Variants in RASA2 observed in about 807,000 individuals in gnomAD.
RASA2 encodes RAS p21 protein activator 2.
Under a neutral mutation model 118.2 loss-of-function variants are expected in RASA2, and 155 were observed. The observed-to-expected ratio is 1.31, with a 90% confidence interval of 1.15 to 1.50. RASA2 has a LOEUF of 1.50. Ranked by LOEUF, RASA2 falls within the 40% of genes most tolerant of loss-of-function variation. The pLI is 0.00. For synonymous variants in RASA2, 353 were observed against 349.1 expected, an observed-to-expected ratio of 1.01 and a Z score of -0.12; for missense variants, 1,016 against 1,009.6, an observed-to-expected ratio of 1.01 and a Z score of -0.09.
chr3:141,497,926 TTGAC>T (rs1383682846), intron 1 of RASA2, among the ~76,000 whole-genome samples: 2 of 152,154 alleles, frequency 1.3e-5, no homozygotes, highest in Non-Finnish European at 2.9e-5. Context: ...CTTTGCCTGT[TTGAC>T]TAATTGTTTA....
intron 19 of RASA2, chr3:141,590,255 C>A: frequency 4.7e-6 from 2 of 428,696 alleles, no homozygotes; most frequent in Non-Finnish European, 9.4e-6. Context: ...CAACTGTTTA[C>A]TCCAGCTAAA....
chr3:141,577,652 G>A (rs577447356), intron 15 of RASA2, among the ~76,000 whole-genome samples: 1 of 152,222 alleles, frequency 6.6e-6, no homozygotes, highest in Non-Finnish European at 1.5e-5. Context: ...ATATTAAATG[G>A]CAGGTGAACT....
chr3:141,574,425 G>C (rs1053911029), intron 14 of RASA2, among the ~76,000 whole-genome samples: 1 of 152,142 alleles, frequency 6.6e-6, no homozygotes, highest in South Asian at 2.1e-4. Flanking sequence ...TCCTGAACTC[G>C]TGATCCGCCC....
chr3:141,534,696 C>A (rs1240839039), intron 4 of RASA2, among the ~76,000 whole-genome samples: 1 of 151,622 alleles, frequency 6.6e-6, no homozygotes, highest in African/African-American at 2.4e-5. Context: ...TTAAAACATG[C>A]CCTATTCAAG....
Position 141,487,041 on chromosome 3 carries a change from G to C in RASA2, c.-43G>C. ...GCCGCTGCTGGGCTCCGCCTCGCCC[G>C]GCTACGCAGGCGGCAGGGCTGCGGC... is the stretch of plus-strand genomic sequence containing the variant. On this transcript the variant is annotated 5_prime_UTR_variant, in exon 1 of 24. Coordinates refer to ENST00000286364, the MANE Select transcript of RASA2 (RefSeq NM_006506.5). 2 of 1,176,166 alleles carry C rather than the reference G, an allele frequency of 1.7e-6. No individual in the cohort carries two copies. The highest frequency in any genetic ancestry group is 3.6e-4 in the Middle Eastern group (1 of 2,776). The allele number at this position is 1,176,166 out of a possible 1,614,324, so 72.9% of individuals were successfully genotyped here. A position where few individuals can be genotyped will look rare whatever the true frequency, so the allele number is the denominator to read the frequency against.
At chr3:141,604,617 C>T (rs2083517951) in intron 19 of RASA2, among the ~76,000 whole-genome samples, 1 of 151,998 alleles carries the variant, frequency 6.6e-6, no homozygotes, top group Non-Finnish European at 1.5e-5. Context: ...ATTTCTTTGG[C>T]CCAACACTAT....
Position 141,581,191 on chromosome 3 carries a change from A to T in RASA2, c.1752+14A>T, listed in dbSNP as rs1272055316. 6.9e-7 allele frequency: 1 copy of T among 1,450,564 alleles called. No individual in the cohort carries two copies. Among genetic ancestry groups the T allele is most frequent in the East Asian group, 2.7e-5 (1 of 37,696 alleles). The allele number at this position is 1,450,564 out of a possible 1,614,324, so 89.9% of individuals were successfully genotyped here. A position where few individuals can be genotyped will look rare whatever the true frequency, so the allele number is the denominator to read the frequency against. Reference sequence around the variant, plus strand: ...GCAGTTAAAAAGGTATGATGGTTTTATTCTGGAATTGTTAATATTTATTTC... The same window carrying T: ...GCAGTTAAAAAGGTATGATGGTTTTTTTCTGGAATTGTTAATATTTATTTC... On this transcript the variant is annotated intron_variant, in intron 17 of 23. Transcript: ENST00000286364.
chr3:141,516,491 CTT>C, intron 3 of RASA2, 60 bp downstream of exon 3: 1 of 1,231,492 alleles, frequency 8.1e-7, no homozygotes, highest in Non-Finnish European at 1.0e-6. Context: ...CATTCGTTCT[CTT>C]AGTATAGTTT....
At position 141,608,515 on chromosome 3, in the gene RASA2, A is replaced by C. The variant is rs758014732; in HGVS notation, c.2043A>C (p.Lys681Asn). 6.2e-7 allele frequency: 1 copy of C among 1,613,878 alleles called. No homozygotes were observed. Among genetic ancestry groups the C allele is most frequent in the Non-Finnish European group, 8.5e-7 (1 of 1,179,840 alleles). Residue 681 changes from lysine to asparagine, a missense_variant, in exon 21 of 24, where the codon AAA becomes AAC. Physicochemically the swap from Lys to Asn is moderately conservative, Grantham distance 94 (BLOSUM62 0). Transcript: ENST00000286364. Reference protein sequence around the residue: ...KNMFQVIHTEKPLYVQANNCV... With the variant: ...KNMFQVIHTENPLYVQANNCV... ...TGTTCCAAGTAATACATACGGAGAA[A>C]CCACTCTATGTCCAGGCAAATAACT...
chr3:141,572,059 T>TACAC (rs1481718700), intron 11 of RASA2, among the ~76,000 whole-genome samples: 1 of 121,976 alleles, frequency 8.2e-6, no homozygotes, highest in Non-Finnish European at 1.6e-5. Context: ...TATATATATA[T>TACAC]ATACACACAC....
Position 141,608,462 on chromosome 3 carries a change from A to G in RASA2, c.2017-27A>G, listed in dbSNP as rs2083583133. 3 of 1,606,076 alleles carry G rather than the reference A, an allele frequency of 1.9e-6. No homozygotes were observed. In the East Asian group the frequency reaches 6.7e-5, roughly 36 times the overall value. On this transcript the variant is annotated intron_variant, in intron 20 of 23. Coordinates refer to ENST00000286364, the MANE Select transcript of RASA2 (RefSeq NM_006506.5). ...TGTTGGTTTTTGGACTCTTGTCACT[A>G]ACTTTTTATCTTAATTGCCTATGAA... is the stretch of plus-strand genomic sequence containing the variant.
At chr3:141,568,961 A>C (rs2082868160) in intron 9 of RASA2, among the ~76,000 whole-genome samples, 1 of 152,112 alleles carries the variant, frequency 6.6e-6, no homozygotes, top group African/African-American at 2.4e-5. Flanking sequence ...GTGTCCAAAT[A>C]AGGATGTTAT....
At chr3:141,585,979 ATG>A in intron 17 of RASA2, 44 bp from the exon 18 acceptor site, 1 of 1,471,298 alleles carries the variant, frequency 6.8e-7, no homozygotes, top group South Asian at 1.2e-5. Context: ...ATTTTTTATA[ATG>A]TACCTTATCA....
At chr3:141,550,190 T>C (rs888036554) in intron 5 of RASA2, among the ~76,000 whole-genome samples, 1 of 152,224 alleles carries the variant, frequency 6.6e-6, no homozygotes. Flanking sequence ...GGTGACAAGA[T>C]GTCTGATAGA....
intron 23 of RASA2, among the ~76,000 whole-genome samples, chr3:141,610,274 C>A (rs563897661): frequency 6.9e-6 from 1 of 143,998 alleles, no homozygotes; most frequent in African/African-American, 2.6e-5. Flanking sequence ...TATACTTTAT[C>A]GACTTTTTAA....
At position 141,574,074 on chromosome 3, in the gene RASA2, G is replaced by A. The variant is rs201750586; in HGVS notation, c.1483+7G>A. On this transcript the variant is annotated splice_region_variant and intron_variant, in intron 14 of 23. Transcript: ENST00000286364. ...GCTACTCAGAGATTTCCTAGTAAGT[G>A]CCTTGTTTTACTAAAACATGCCATT... is the stretch of plus-strand genomic sequence containing the variant. 1.3e-4 allele frequency: 184 copies of A among 1,446,550 alleles called. No individual in the cohort carries two copies. The East Asian group carries it at 4.7e-3, about 37-fold the overall frequency. 89.6% of individuals were successfully genotyped at this position (1,446,550 alleles called of 1,614,324 possible). A position where few individuals can be genotyped will look rare whatever the true frequency, so the allele number is the denominator to read the frequency against.
chr3:141,595,520 T>A (rs1004859147), intron 19 of RASA2, among the ~76,000 whole-genome samples: 79 of 152,306 alleles, frequency 5.2e-4, no homozygotes, highest in African/African-American at 1.8e-3. Context: ...GAGCACATAA[T>A]CCTAAATGTG....
At chr3:141,587,910 A>G (rs940124646) in intron 19 of RASA2, among the ~76,000 whole-genome samples, 3 of 152,110 alleles carry the variant, frequency 2.0e-5, no homozygotes, top group Non-Finnish European at 4.4e-5. Flanking sequence ...TTTAAAATAA[A>G]CAAAAAGATG....
At chr3:141,562,792 C>T (rs997049436) in intron 9 of RASA2, among the ~76,000 whole-genome samples, 2 of 151,958 alleles carry the variant, frequency 1.3e-5, no homozygotes, top group South Asian at 2.1e-4. Context: ...CCTGCCTCAG[C>T]CTCCTGAGTA....
Sources: gnomAD v4.1 joint callset for allele counts (sites outside exome capture counted in the v4.1 genomes callset) on GRCh38, gnomAD v4.1.1 for gene constraint, MANE v1.5 for transcripts, NCBI Gene and HGNC (gene_info 2026-07-23, HGNC 2026-07-21) for gene names.